TRMT11: variants seen among roughly 807,000 people sequenced by gnomAD.
The protein encoded by TRMT11 is tRNA (guanine(10)-N(2))-methyltransferase TRMT11.
A neutral mutation model predicts 62.8 loss-of-function variants in TRMT11; 53 were observed. That is an observed-to-expected ratio of 0.84 (90% CI 0.68 to 1.06). The LOEUF (loss-of-function observed/expected upper bound fraction) is 1.06, where lower values mean the gene tolerates loss of function less well. TRMT11 is among the 50% of genes least tolerant of loss of function. TRMT11 has a pLI of 0.00. For missense variants in TRMT11, 556 were observed against 553.4 expected (o/e 1.00, Z -0.05); for synonymous variants, 188 against 190.3 (o/e 0.99, Z 0.10).
At chr6:126,081,494 CAT>C (rs1429309898) in intron 17 of TRMT11, among the ~76,000 whole-genome samples, 4 of 152,116 alleles carry the variant, frequency 2.6e-5, no homozygotes, top group Admixed American at 1.3e-4. Flanking sequence ...CTTAGTAAGA[CAT>C]ATGTAAACTA....
At chr6:126,169,915 T>A (rs1441577338) in intron 21 of TRMT11, among the ~76,000 whole-genome samples, 2 of 152,166 alleles carry the variant, frequency 1.3e-5, no homozygotes, top group Non-Finnish European at 2.9e-5. Context: ...AATTTTTTTT[T>A]ATATGTGTTC....
At chr6:126,258,642 A>G in the TRMT11 span, among the ~76,000 whole-genome samples, 1 of 152,156 alleles carries the variant, frequency 6.6e-6, no homozygotes, top group Non-Finnish European at 1.5e-5. Context: ...CATTTCTTCT[A>G]TGTTATCAAA....
At chr6:126,156,381 C>G (rs1023437223) in intron 21 of TRMT11, among the ~76,000 whole-genome samples, 2 of 152,178 alleles carry the variant, frequency 1.3e-5, no homozygotes, top group Admixed American at 6.5e-5. Flanking sequence ...GGGCAACACC[C>G]ATATAGCAGG....
chr6:126,132,976 A>G (rs144488877), intron 21 of TRMT11, among the ~76,000 whole-genome samples: 2 of 152,088 alleles, frequency 1.3e-5, no homozygotes, highest in African/African-American at 4.8e-5. Flanking sequence ...TTTAATCCAT[A>G]TGTTTTGGCT....
At position 126,187,574 on chromosome 6, in the gene TRMT11, T is replaced by C. The variant is rs189635756; in HGVS notation, n.143+10239T>C. 4.1e-3 allele frequency among the ~76,000 whole-genome samples: 631 copies of C among 152,104 alleles called. 4 individuals are homozygous for C. Among genetic ancestry groups the C allele is most frequent in the African/African-American group, 0.014 (562 of 41,544 alleles). ...AATCTCAATCATAGTCTCAACATAC[T>C]TTTTTGGAGAAATGATAAATTCTAA... On this transcript the variant is annotated intron_variant and non_coding_transcript_variant, in intron 1 of 3. Transcript: ENST00000444229.
At chr6:126,236,275 C>T in the TRMT11 span, among the ~76,000 whole-genome samples, 1 of 152,180 alleles carries the variant, frequency 6.6e-6, no homozygotes, top group Non-Finnish European at 1.5e-5. Context: ...TGAGTGATGG[C>T]CTTCCACTTC....
intron 17 of TRMT11, among the ~76,000 whole-genome samples, chr6:126,059,855 A>G (rs951242768): frequency 1.3e-5 from 2 of 152,308 alleles, no homozygotes; most frequent in African/African-American, 2.4e-5. Flanking sequence ...ATGTCTAATC[A>G]TAGTGTCTGG....
chr6:126,211,468 C>A, the TRMT11 span, among the ~76,000 whole-genome samples: 1 of 152,132 alleles, frequency 6.6e-6, no homozygotes, highest in Non-Finnish European at 1.5e-5. Flanking sequence ...ATTACATGGA[C>A]TCTGTCAATA....
intron 16 of TRMT11, among the ~76,000 whole-genome samples, chr6:126,051,772 A>G (rs1400114755): frequency 1.3e-5 from 2 of 152,140 alleles, no homozygotes; most frequent in Non-Finnish European, 2.9e-5. Context: ...GGATGAGTTT[A>G]GGTTTGGACA....
chr6:126,138,320 TAAC>T (rs887333964), intron 21 of TRMT11, among the ~76,000 whole-genome samples: 1 of 151,970 alleles, frequency 6.6e-6, no homozygotes, highest in Admixed American at 6.6e-5. Flanking sequence ...TTTAAAATCT[TAAC>T]AGTCTGAATA....
intron 21 of TRMT11, among the ~76,000 whole-genome samples, chr6:126,125,239 G>A (rs561806999): frequency 2.6e-5 from 4 of 152,104 alleles, no homozygotes; most frequent in Admixed American, 2.6e-4. Context: ...TTGCCCGTGG[G>A]GTTTGGGCTC....
chr6:125,995,843 G>A, intron 2 of TRMT11, 124 bp from the exon 3 acceptor site: 2 of 666,570 alleles, frequency 3.0e-6, no homozygotes, highest in African/African-American at 1.8e-5. Context: ...TTTGGTTACA[G>A]TCAGATCAGA....
intron 16 of TRMT11, among the ~76,000 whole-genome samples, chr6:126,045,120 G>A (rs1776010761): frequency 2.0e-5 from 3 of 151,802 alleles, no homozygotes; most frequent in Admixed American, 2.0e-4. Flanking sequence ...CCTGGGAGGT[G>A]GAGATTGCAG....
intron 17 of TRMT11, among the ~76,000 whole-genome samples, chr6:126,071,622 A>G (rs1347035890): frequency 6.6e-6 from 1 of 151,402 alleles, no homozygotes; most frequent in East Asian, 1.9e-4. Flanking sequence ...AGCTGGCACG[A>G]TGATCAGCGA....
At chr6:126,070,887 C>G (rs959211175) in intron 17 of TRMT11, among the ~76,000 whole-genome samples, 1 of 152,136 alleles carries the variant, frequency 6.6e-6, no homozygotes, top group African/African-American at 2.4e-5. Flanking sequence ...ACACACTTAC[C>G]AAGTGAAGAG....
chr6:126,171,932 T>A (rs1778334324), intron 21 of TRMT11, among the ~76,000 whole-genome samples: 2 of 152,078 alleles, frequency 1.3e-5, no homozygotes, highest in Non-Finnish European at 1.5e-5. Flanking sequence ...TTGGCTAGGC[T>A]GGTCTCAAAC....
At chr6:126,263,914 T>C in the TRMT11 span, among the ~76,000 whole-genome samples, 1 of 152,360 alleles carries the variant, frequency 6.6e-6, no homozygotes, top group Admixed American at 6.5e-5. Flanking sequence ...TTAAAAATTA[T>C]ATTTTAATCT....
rs770436935 is a variant in TRMT11 at position 125,999,587 on chromosome 6, T to C, written c.653T>C (p.Ile218Thr). 8 of 1,611,704 alleles carry C rather than the reference T, an allele frequency of 5.0e-6. No individual in the cohort carries two copies. The highest frequency in any genetic ancestry group is 2.2e-5 in the East Asian group (1 of 44,724). The change falls in exon 7 of 13, where the codon ATT becomes ACT. Residue 218 changes from isoleucine (I) to threonine (T), a missense_variant. By Grantham distance (89) the Ile-to-Thr change is moderately conservative. Transcript: ENST00000334379. ...ANHGKVKEND[I>T]VFDPFVGTGG... The stretch of plus-strand genomic sequence containing the variant: ...CATGGAAAAGTGAAAGAAAATGATA[T>C]TGTCTTTGATCCATTTGTTGGAACA...
At chr6:126,261,934 C>T in the TRMT11 span, among the ~76,000 whole-genome samples, 2 of 151,976 alleles carry the variant, frequency 1.3e-5, no homozygotes, top group Non-Finnish European at 2.9e-5. Context: ...GGAGGTCCTA[C>T]GGTAGTCTGT....
Sources: allele counts gnomAD v4.1 joint callset (sites outside exome capture counted in the v4.1 genomes callset), GRCh38; gene constraint gnomAD v4.1.1; transcripts MANE v1.5; gene names NCBI Gene and HGNC (gene_info 2026-07-23, HGNC 2026-07-21).